Variants in WDR12 observed in about 807,000 individuals in gnomAD.
WDR12 encodes the protein WD repeat domain 12.
WDR12 carries 42 observed loss-of-function variants against 64.3 expected under a neutral mutation model. The ratio of observed to expected loss-of-function variants is 0.65; its 90% CI spans 0.51 to 0.84. The LOEUF (loss-of-function observed/expected upper bound fraction) is 0.84, where lower values mean the gene tolerates loss of function less well. Ranked by LOEUF, WDR12 falls within the 40% of genes least tolerant of loss-of-function variation. WDR12 has a pLI of 0.00. For synonymous variants in WDR12, 158 were observed against 173.3 expected, an observed-to-expected ratio of 0.91 and a Z score of 0.70; for missense variants, 469 against 494.6, an observed-to-expected ratio of 0.95 and a Z score of 0.49.
chr2:202,904,608 G>T (rs945086551), intron 2 of WDR12, among the ~76,000 whole-genome samples: 3 of 152,000 alleles, frequency 2.0e-5, no homozygotes, highest in African/African-American at 7.3e-5. Context: ...GGAAAAACTG[G>T]GTATCCATAT....
intron 2 of WDR12, among the ~76,000 whole-genome samples, chr2:202,903,825 CT>C (rs1688400770): frequency 6.6e-6 from 1 of 151,922 alleles, no homozygotes; most frequent in Non-Finnish European, 1.5e-5. Context: ...ACAACAAAAA[CT>C]ATAAAACATC....
chr2:202,894,598 A>G lies in WDR12; in HGVS notation c.638T>C (p.Leu213Pro). 1 of 1,607,490 alleles carries G rather than the reference A, an allele frequency of 6.2e-7. No individual in the cohort carries two copies. Among genetic ancestry groups the G allele is most frequent in the Non-Finnish European group, 8.5e-7 (1 of 1,177,324 alleles). The change falls in exon 7 of 13, where the codon CTA becomes CCA. Residue 213 changes from leucine to proline, a missense_variant. Leu to Pro is a moderately conservative substitution (Grantham distance 98). Transcript: ENST00000261015. ...KFCSGSWDKMLKIWSTVPTDE... is the reference protein window; with the variant it reads ...KFCSGSWDKMPKIWSTVPTDE... ...TAATTTACCTGTAGACCAGATCTTT[A>G]GCATCTTATCCCAGGAGCCACTGCA... is the stretch of plus-strand genomic sequence containing the variant.
chr2:202,890,789 T>G (rs1219303191), intron 8 of WDR12, among the ~76,000 whole-genome samples: 7 of 149,934 alleles, frequency 4.7e-5, no homozygotes, highest in Admixed American at 1.3e-4. Flanking sequence ...AAAAAAAATT[T>G]TTTTTTTCAT....
chr2:202,893,732 GGTGT>G (rs1182208569), intron 7 of WDR12, among the ~76,000 whole-genome samples: 2 of 151,966 alleles, frequency 1.3e-5, no homozygotes, highest in Admixed American at 6.6e-5. Context: ...AGTATCTATG[GGTGT>G]GTGTTTTTTC....
intron 4 of WDR12, among the ~76,000 whole-genome samples, chr2:202,898,097 A>G (rs1310763007): frequency 6.6e-6 from 1 of 151,038 alleles, no homozygotes; most frequent in Non-Finnish European, 1.5e-5. Context: ...AAAATCCTAC[A>G]TCCAAAATAC....
At chr2:202,885,055 G>A (rs1193499369) in intron 8 of WDR12, among the ~76,000 whole-genome samples, 1 of 152,148 alleles carries the variant, frequency 6.6e-6, no homozygotes, top group Non-Finnish European at 1.5e-5. Context: ...CATAGCCTGG[G>A]GGCTCTATTC....
chr2:202,892,297 A>G (rs1356934368), intron 8 of WDR12, among the ~76,000 whole-genome samples: 1 of 152,184 alleles, frequency 6.6e-6, no homozygotes, highest in African/African-American at 2.4e-5. Flanking sequence ...ACAGCCAGGT[A>G]ATTAGATGCT....
Position 202,880,415 on chromosome 2 carries a change from A to C in WDR12, c.*445T>G, listed in dbSNP as rs1378327237. The C allele has an allele frequency of 6.5e-6, 1 of 152,760 alleles. No individual in the cohort carries two copies. The highest frequency in any genetic ancestry group is 2.4e-5 in the African/African-American group (1 of 41,418). The allele number at this position is 152,760 out of a possible 1,614,324, so 9.5% of individuals were successfully genotyped here. A position where few individuals can be genotyped will look rare whatever the true frequency, so the allele number is the denominator to read the frequency against. ...ATACAAAAATTAGCAGGACATCGTGATGTGTGCCTGTAATCCCAGCTACTT... is the reference window on the plus strand; with the variant it reads ...ATACAAAAATTAGCAGGACATCGTGCTGTGTGCCTGTAATCCCAGCTACTT... On this transcript the variant is annotated 3_prime_UTR_variant, in exon 13 of 13. Transcript: ENST00000261015.
chr2:202,886,145 T>C (rs1462769251), intron 8 of WDR12, among the ~76,000 whole-genome samples: 3 of 148,942 alleles, frequency 2.0e-5, no homozygotes, highest in African/African-American at 4.9e-5. Context: ...AAGAGAGATC[T>C]TGTCTCTAAA....
rs1574398467 is a variant in WDR12, at chr2:202,874,340, T to G, written c.*6520A>C. ...TTTCTATCAACATATAATACACTTA[T>G]ACTAAGGGGAAAAAAGGGGTTTTCC... On this transcript the variant is annotated 3_prime_UTR_variant, in exon 13 of 13. Coordinates refer to ENST00000261015, the MANE Select transcript of WDR12 (RefSeq NM_018256.4). 6.6e-6 allele frequency among the ~76,000 whole-genome samples: 1 copy of G among 152,158 alleles called. No homozygotes were observed. The highest frequency in any genetic ancestry group is 1.5e-5 in the Non-Finnish European group (1 of 68,024).
At position 202,880,357 on chromosome 2, in the gene WDR12, GGC is replaced by G. The variant is rs1687927506; in HGVS notation, c.*501_*502del. The G allele has an allele frequency of 6.6e-6, 1 of 152,136 alleles. No individual in the cohort carries two copies. Among genetic ancestry groups the G allele is most frequent in the Non-Finnish European group, 1.5e-5 (1 of 68,158 alleles). 9.4% of individuals were successfully genotyped at this position (152,136 alleles called of 1,614,324 possible). A position where few individuals can be genotyped will look rare whatever the true frequency, so the allele number is the denominator to read the frequency against. On this transcript the variant is annotated 3_prime_UTR_variant, in exon 13 of 13. Coordinates refer to ENST00000261015, the MANE Select transcript of WDR12 (RefSeq NM_018256.4). ...GAGGTCAGGAGTTCAAGACCAGCCT[GGC>G]CAACATGGCAAAACCCCGTCTCTAC...
At chr2:202,886,373 G>A (rs1688048660) in intron 8 of WDR12, among the ~76,000 whole-genome samples, 1 of 152,028 alleles carries the variant, frequency 6.6e-6, no homozygotes, top group African/African-American at 2.4e-5. Context: ...TGGGAGGATT[G>A]CTTGAACCTG....
chr2:202,887,894 C>CAAAA (rs778475206), intron 8 of WDR12, among the ~76,000 whole-genome samples: 6,724 of 60,344 alleles, frequency 0.11, 266 homozygotes, highest in Non-Finnish European at 0.16. Flanking sequence ...GACTCCGTCT[C>CAAAA]AAAAAAAAAA....
chr2:202,910,181 G>C (rs1030084492), intron 1 of WDR12, among the ~76,000 whole-genome samples: 3 of 152,014 alleles, frequency 2.0e-5, no homozygotes, highest in Admixed American at 6.6e-5. Flanking sequence ...TCATTTCAGG[G>C]GTTAAAACAC....
chr2:202,894,666 T>C (rs1468370754), intron 6 of WDR12, 40 bp from the exon 7 acceptor site: 3 of 1,535,674 alleles, frequency 2.0e-6, no homozygotes, highest in African/African-American at 1.4e-5. Context: ...ATATGTAATA[T>C]GATTCATATT....
At position 202,911,629 on chromosome 2, in the gene WDR12, T is replaced by C. The variant is rs1370713933; in HGVS notation, c.-153A>G. 1.4e-6 allele frequency: 1 copy of C among 713,114 alleles called. No homozygotes were observed. The highest frequency in any genetic ancestry group is 2.5e-6 in the Non-Finnish European group (1 of 399,854). The allele number at this position is 713,114 out of a possible 1,614,324, so 44.2% of individuals were successfully genotyped here. On this transcript the variant is annotated 5_prime_UTR_variant, in exon 1 of 13. Coordinates refer to ENST00000261015, the MANE Select transcript of WDR12 (RefSeq NM_018256.4). ...CAGTCTAAGCCTGGACTCTGCCTTC[T>C]GCCCTCCGGTCTCCTCTGCAGAAAG...
At chr2:202,907,425 G>A (rs182656569) in intron 2 of WDR12, among the ~76,000 whole-genome samples, 18 of 151,904 alleles carry the variant, frequency 1.2e-4, no homozygotes, top group Non-Finnish European at 2.1e-4. Context: ...ATAAAATACT[G>A]GTATTCATAC....
At chr2:202,889,409 TA>T (rs1392071835) in intron 8 of WDR12, among the ~76,000 whole-genome samples, 2 of 152,048 alleles carry the variant, frequency 1.3e-5, no homozygotes, top group Non-Finnish European at 2.9e-5. Flanking sequence ...CCAACACTTT[TA>T]AAAAATGGGC....
At chr2:202,903,894 T>C (rs1009169340) in intron 2 of WDR12, among the ~76,000 whole-genome samples, 43 of 151,776 alleles carry the variant, frequency 2.8e-4, no homozygotes, top group African/African-American at 9.9e-4. Flanking sequence ...TCCCAGAACT[T>C]TGGGAGGCTG....
Sources: gnomAD v4.1 joint callset for allele counts (sites outside exome capture counted in the v4.1 genomes callset) on GRCh38, gnomAD v4.1.1 for gene constraint, MANE v1.5 for transcripts, NCBI Gene and HGNC (gene_info 2026-07-23, HGNC 2026-07-21) for gene names.